CAB39L: variants seen among roughly 807,000 people sequenced by gnomAD.
CAB39L encodes the protein calcium-binding protein 39-like.
Under a neutral mutation model 39.1 loss-of-function variants are expected in CAB39L, and 23 were observed. The observed-to-expected ratio is 0.59, with a 90% CI of 0.42 to 0.83. CAB39L has a LOEUF of 0.83. CAB39L is among the 40% of genes least tolerant of loss of function. The pLI, the probability that CAB39L is intolerant of heterozygous loss-of-function variation, is 0.00. For synonymous variants in CAB39L, 126 were observed against 137.2 expected (o/e 0.92, Z 0.57); for missense variants, 366 against 391.9 (o/e 0.93, Z 0.56).
chr13:49,411,676 T>C (rs1956993187), intron 3 of CAB39L, among the ~76,000 whole-genome samples: 1 of 152,180 alleles, frequency 6.6e-6, no homozygotes, highest in African/African-American at 2.4e-5. Context: ...AAGTGTTGCA[T>C]GGTTGCACAG....
intron 10 of CAB39L, among the ~76,000 whole-genome samples, chr13:49,323,037 T>C (rs1954397057): frequency 6.6e-6 from 1 of 152,216 alleles, no homozygotes; most frequent in Non-Finnish European, 1.5e-5. Flanking sequence ...CACATAGGTC[T>C]TGTTTTCCAA....
intron 3 of CAB39L, among the ~76,000 whole-genome samples, chr13:49,386,542 T>A (rs936726171): frequency 2.0e-5 from 3 of 152,142 alleles, no homozygotes; most frequent in Non-Finnish European, 4.4e-5. Context: ...CAATACAATC[T>A]CCTTTAAAAA....
intron 5 of CAB39L, among the ~76,000 whole-genome samples, chr13:49,360,218 A>G (rs571673679): frequency 6.6e-6 from 1 of 152,384 alleles, no homozygotes; most frequent in Admixed American, 6.5e-5. Context: ...GGAAAACAGA[A>G]GAAGAAAATA....
chr13:49,315,755 T>G (rs1353508845), intron 10 of CAB39L, among the ~76,000 whole-genome samples: 12 of 151,422 alleles, frequency 7.9e-5, no homozygotes, highest in Non-Finnish European at 1.3e-4. Flanking sequence ...CATGGTGGTG[T>G]GCGCCTGTAA....
chr13:49,362,329 G>C (rs1351117296), intron 5 of CAB39L, among the ~76,000 whole-genome samples: 2 of 151,892 alleles, frequency 1.3e-5, no homozygotes, highest in African/African-American at 4.8e-5. Context: ...CTATTTTGAG[G>C]AAAATCAAAG....
intron 10 of CAB39L, among the ~76,000 whole-genome samples, chr13:49,314,013 G>A (rs1158308223): frequency 2.6e-5 from 4 of 152,148 alleles, no homozygotes; most frequent in Non-Finnish European, 5.9e-5. Flanking sequence ...TTACATTTCC[G>A]GGTTTGGAAC....
chr13:49,318,113 A>G (rs1257142757), intron 10 of CAB39L, among the ~76,000 whole-genome samples: 2 of 152,052 alleles, frequency 1.3e-5, no homozygotes, highest in Admixed American at 1.3e-4. Flanking sequence ...AAAACAAAAA[A>G]ACAAAAACAA....
In CAB39L at chr13:49,327,111, C is replaced by T. The variant is rs796709330; in HGVS notation, c.834+4836G>A. On this transcript the variant is annotated intron_variant, in intron 10 of 10. Coordinates refer to ENST00000409308, the MANE Select transcript of CAB39L (RefSeq NM_001079670.3). ...GAGTAACATATCAGACTTCATATTC[C>T]CACCATTGGCTCTATCAAAATCTAA... Among the ~76,000 whole-genome samples the T allele has an allele frequency of 2.6e-5, 4 of 151,960 alleles. No individual in the cohort carries two copies. The East Asian group carries it at 5.8e-4, about 22-fold the overall frequency.
At chr13:49,430,904 T>A (rs1422039837) in intron 3 of CAB39L, among the ~76,000 whole-genome samples, 1 of 152,272 alleles carries the variant, frequency 6.6e-6, no homozygotes, top group East Asian at 1.9e-4. Context: ...AATAGTCATA[T>A]AATCCAAATA....
intron 10 of CAB39L, among the ~76,000 whole-genome samples, chr13:49,319,642 T>TA (rs61586450): frequency 0.014 from 1,919 of 136,718 alleles, 34 homozygotes; most frequent in African/African-American, 0.036. Flanking sequence ...TTACTTATAT[T>TA]AAAAAAAAAA....
chr13:49,436,136 T>C (rs1957409130), intron 1 of CAB39L, among the ~76,000 whole-genome samples: 1 of 152,210 alleles, frequency 6.6e-6, no homozygotes, highest in Admixed American at 6.5e-5. Flanking sequence ...GCTTTGTATG[T>C]TGCTGTTTAG....
At chr13:49,360,423 A>G (rs1955600871) in intron 5 of CAB39L, among the ~76,000 whole-genome samples, 1 of 152,182 alleles carries the variant, frequency 6.6e-6, no homozygotes, top group Non-Finnish European at 1.5e-5. Flanking sequence ...AGCCTAGAGG[A>G]ACAGAAGAGA....
chr13:49,357,849 A>G (rs1190264583), intron 6 of CAB39L, among the ~76,000 whole-genome samples: 1 of 152,214 alleles, frequency 6.6e-6, no homozygotes. Context: ...TAGGACTTGG[A>G]AAGCTCTTCA....
At chr13:49,427,354 C>G (rs1957259995) in intron 3 of CAB39L, among the ~76,000 whole-genome samples, 1 of 152,076 alleles carries the variant, frequency 6.6e-6, no homozygotes, top group Admixed American at 6.5e-5. Flanking sequence ...ACCTTTCATC[C>G]ACTACGAAGT....
rs968887852 is a variant in CAB39L, at chr13:49,356,351, A to T, written c.395+3363T>A. ...CCTTCTGGAACATAGTCCACTGGCCACAGTTCTTTATGGATCACTGAGAGC... is the reference window on the plus strand; with the variant it reads ...CCTTCTGGAACATAGTCCACTGGCCTCAGTTCTTTATGGATCACTGAGAGC... On this transcript the variant is annotated intron_variant, in intron 6 of 10. Transcript: ENST00000409308. Among the ~76,000 whole-genome samples, 5 of 152,194 alleles carry T rather than the reference A, an allele frequency of 3.3e-5. No homozygotes were observed. In the South Asian group the frequency reaches 1.0e-3, roughly 32 times the overall value.
At chr13:49,433,464 C>T in intron 2 of CAB39L, 71 bp from the exon 3 acceptor site, 2 of 417,938 alleles carry the variant, frequency 4.8e-6, no homozygotes, top group South Asian at 3.5e-5. Flanking sequence ...TTTCTTATTG[C>T]TTTCAGGTAT....
chr13:49,424,239 A>G (rs2138717251), intron 3 of CAB39L, among the ~76,000 whole-genome samples: 1 of 152,364 alleles, frequency 6.6e-6, no homozygotes, highest in East Asian at 1.9e-4. Context: ...ATCAAGGTCA[A>G]CATCAACAGT....
chr13:49,352,379 G>T (rs1006669100), intron 6 of CAB39L, among the ~76,000 whole-genome samples: 2 of 151,970 alleles, frequency 1.3e-5, no homozygotes, highest in African/African-American at 4.8e-5. Context: ...ACAATTGTGT[G>T]GTAAATATAG....
chr13:49,383,039 G>A (rs1956282073), intron 3 of CAB39L, 98 bp from the exon 4 acceptor site: 1 of 526,862 alleles, frequency 1.9e-6, no homozygotes, highest in African/African-American at 2.0e-5. Flanking sequence ...CATGAATTCA[G>A]TAATCTGAAA....
Sources: gnomAD v4.1 joint callset for allele counts (sites outside exome capture counted in the v4.1 genomes callset) on GRCh38, gnomAD v4.1.1 for gene constraint, MANE v1.5 for transcripts, NCBI Gene and HGNC (gene_info 2026-07-23, HGNC 2026-07-21) for gene names.